The following KCNQ3 variants were observed in gnomAD, a reference collection of about 807,000 sequenced individuals.
KCNQ3 encodes the protein potassium voltage-gated channel subfamily KQT member 3.
KCNQ3 carries 30 observed loss-of-function variants against 92.5 expected under a neutral mutation model. The observed-to-expected ratio is 0.32, with a 90% CI of 0.24 to 0.44. The LOEUF is 0.44. Among genes scored for constraint, KCNQ3 ranks in the 20% least tolerant of loss-of-function variants. The probability of loss-of-function intolerance (pLI) is 1.00; values close to 1 mark genes in which losing one functional copy is unlikely to be tolerated. For synonymous variants in KCNQ3, 450 were observed against 468.8 expected (o/e 0.96, Z 0.52); for missense variants, 913 against 1,140.3 (o/e 0.80, Z 2.87).
chr8:132,433,821 C>T (rs1403906420), intron 1 of KCNQ3, among the ~76,000 whole-genome samples: 3 of 152,070 alleles, frequency 2.0e-5, no homozygotes, highest in Admixed American at 2.0e-4. Flanking sequence ...ACCCAGGAGG[C>T]GGAGGTTGCA....
At chr8:132,463,898 C>T (rs1041054707) in intron 1 of KCNQ3, among the ~76,000 whole-genome samples, 6 of 152,192 alleles carry the variant, frequency 3.9e-5, no homozygotes, top group Non-Finnish European at 8.8e-5. Context: ...CCGCAACCTC[C>T]GCCTCCCGGG....
At chr8:132,430,711 C>G (rs900887773) in intron 1 of KCNQ3, among the ~76,000 whole-genome samples, 7 of 152,212 alleles carry the variant, frequency 4.6e-5, no homozygotes, top group African/African-American at 1.4e-4. Flanking sequence ...ATTTCGGAAA[C>G]AGAAAGTGTT....
intron 1 of KCNQ3, among the ~76,000 whole-genome samples, chr8:132,244,512 C>T (rs866512443): frequency 2.0e-4 from 31 of 152,252 alleles, no homozygotes; most frequent in African/African-American, 7.5e-4. Flanking sequence ...ATAAGATTTT[C>T]TGTTTTTACC....
At chr8:132,401,762 A>C (rs1264873486) in intron 1 of KCNQ3, among the ~76,000 whole-genome samples, 3 of 152,106 alleles carry the variant, frequency 2.0e-5, no homozygotes, top group Non-Finnish European at 1.5e-5. Flanking sequence ...TGCCCTGCCC[A>C]CCCTCCTCCT....
chr8:132,228,902 AT>A (rs1378591925), intron 1 of KCNQ3, among the ~76,000 whole-genome samples: 1 of 152,216 alleles, frequency 6.6e-6, no homozygotes, highest in Non-Finnish European at 1.5e-5. Context: ...AGAGGGAACC[AT>A]TGAAAGGTTT....
At chr8:132,430,246 G>A (rs1477401321) in intron 1 of KCNQ3, among the ~76,000 whole-genome samples, 1 of 152,168 alleles carries the variant, frequency 6.6e-6, no homozygotes, top group Non-Finnish European at 1.5e-5. Context: ...GACTAGCCTC[G>A]TTCCCATCCA....
chr8:132,240,100 T>C (rs921338680), intron 1 of KCNQ3, among the ~76,000 whole-genome samples: 4 of 152,060 alleles, frequency 2.6e-5, no homozygotes, highest in African/African-American at 9.7e-5. Flanking sequence ...AGGAACGCTA[T>C]CTTCACTACC....
Position 132,184,984 on chromosome 8 carries a change from A to T in KCNQ3, c.478-617T>A, listed in dbSNP as rs371276244. ...CCCAGGAGCTTAAGCACTCTCCAGG[A>T]CACAGGGTCCCCCTTTCCTCCTGCA... On this transcript the variant is annotated intron_variant, in intron 2 of 14. Coordinates refer to ENST00000388996, the MANE Select transcript of KCNQ3 (RefSeq NM_004519.4). 7.7e-4 allele frequency among the ~76,000 whole-genome samples: 117 copies of T among 152,348 alleles called. 1 individual carries two copies. In the Middle Eastern group the frequency reaches 0.02, roughly 27 times the overall value.
intron 1 of KCNQ3, among the ~76,000 whole-genome samples, chr8:132,442,577 T>G (rs577872389): frequency 6.6e-6 from 1 of 152,258 alleles, no homozygotes; most frequent in East Asian, 1.9e-4. Context: ...TAAATGCCAA[T>G]GGCAAACTTC....
intron 1 of KCNQ3, among the ~76,000 whole-genome samples, chr8:132,340,638 G>T (rs901478192): frequency 3.9e-5 from 6 of 152,122 alleles, no homozygotes; most frequent in African/African-American, 1.4e-4. Flanking sequence ...GAGGCAAGGG[G>T]AGGATGCGTT....
intron 4 of KCNQ3, among the ~76,000 whole-genome samples, chr8:132,178,467 A>G (rs1826641762): frequency 6.6e-6 from 1 of 152,196 alleles, no homozygotes; most frequent in African/African-American, 2.4e-5. Flanking sequence ...AAAAAACACT[A>G]CTATTAATGA....
intron 1 of KCNQ3, among the ~76,000 whole-genome samples, chr8:132,407,402 C>CTG (rs1820519930): frequency 6.6e-6 from 1 of 152,238 alleles, no homozygotes; most frequent in Non-Finnish European, 1.5e-5. Flanking sequence ...AAAGTAGGGG[C>CTG]TTACAGCCAG....
At chr8:132,418,672 G>C (rs562830030) in intron 1 of KCNQ3, among the ~76,000 whole-genome samples, 5 of 152,282 alleles carry the variant, frequency 3.3e-5, no homozygotes, top group African/African-American at 1.2e-4. Flanking sequence ...TGTAGTCCCA[G>C]CTACTTGGGA....
intron 1 of KCNQ3, among the ~76,000 whole-genome samples, chr8:132,189,312 C>G (rs1030397558): frequency 1.3e-5 from 2 of 152,300 alleles, no homozygotes; most frequent in Middle Eastern, 3.4e-3. Flanking sequence ...TCCCAGAGCA[C>G]CCTGATTCAC....
chr8:132,231,413 A>T (rs928281173), intron 1 of KCNQ3, among the ~76,000 whole-genome samples: 2 of 152,180 alleles, frequency 1.3e-5, no homozygotes, highest in African/African-American at 4.8e-5. Context: ...CCCAAAATTT[A>T]TATATTGAAG....
At chr8:132,344,769 G>A (rs1251936081) in intron 1 of KCNQ3, among the ~76,000 whole-genome samples, 1 of 152,186 alleles carries the variant, frequency 6.6e-6, no homozygotes, top group Non-Finnish European at 1.5e-5. Flanking sequence ...TAAGGTCGAG[G>A]CCAGTGCAGA....
intron 1 of KCNQ3, among the ~76,000 whole-genome samples, chr8:132,222,686 G>C (rs1327691820): frequency 6.6e-6 from 1 of 152,168 alleles, no homozygotes; most frequent in Non-Finnish European, 1.5e-5. Context: ...ATGTAGAGGA[G>C]CTTAAAATCA....
At chr8:132,332,729 A>G (rs1334166493) in intron 1 of KCNQ3, among the ~76,000 whole-genome samples, 3 of 152,198 alleles carry the variant, frequency 2.0e-5, no homozygotes, top group Admixed American at 6.5e-5. Flanking sequence ...TTTGCTCAAG[A>G]TGTGCCCTCC....
At chr8:132,258,961 CAG>C (rs1357699583) in intron 1 of KCNQ3, among the ~76,000 whole-genome samples, 1 of 151,920 alleles carries the variant, frequency 6.6e-6, no homozygotes. Context: ...TAAAAAGAAA[CAG>C]AAAATTTGAA....
Sources: allele counts gnomAD v4.1 joint callset (sites outside exome capture counted in the v4.1 genomes callset), GRCh38; gene constraint gnomAD v4.1.1; transcripts MANE v1.5; gene names NCBI Gene and HGNC (gene_info 2026-07-23, HGNC 2026-07-21).